The following CDH13 variants were observed in gnomAD, a reference collection of about 807,000 sequenced individuals.
CDH13 encodes cadherin 13.
A neutral mutation model predicts 63.8 loss-of-function variants in CDH13; 24 were observed. That is an observed-to-expected ratio of 0.38 (90% confidence interval 0.27 to 0.53). CDH13 has a LOEUF of 0.53. Ranked by LOEUF, CDH13 falls within the 20% of genes least tolerant of loss-of-function variation. The pLI, the probability that CDH13 is intolerant of heterozygous loss-of-function variation, is 0.85. For missense variants in CDH13, 1,049 were observed against 903.1 expected, an observed-to-expected ratio of 1.16 and a Z score of -2.07; for synonymous variants, 503 against 355.3, an observed-to-expected ratio of 1.42 and a Z score of -4.67.
At position 83,536,064 on chromosome 16, in the gene CDH13, A is replaced by C. The variant is rs556912538; in HGVS notation, c.960+49409A>C. 6.6e-5 allele frequency among the ~76,000 whole-genome samples: 10 copies of C among 152,318 alleles called. No homozygotes were observed. The South Asian group carries it at 1.9e-3, about 28-fold the overall frequency. ...AGTCATTGAAAAATTCACCCAGGAC[A>C]ACATTTGCATGAACACCCAGGAAAT... is the stretch of plus-strand genomic sequence containing the variant. On this transcript the variant is annotated intron_variant, in intron 7 of 13. Coordinates refer to ENST00000567109, the MANE Select transcript of CDH13 (RefSeq NM_001257.5).
chr16:83,015,879 A>C (rs1024122024), intron 2 of CDH13, among the ~76,000 whole-genome samples: 4 of 151,496 alleles, frequency 2.6e-5, no homozygotes, highest in Admixed American at 6.6e-5. Flanking sequence ...GCCACTTGTG[A>C]TGGAAAGCTA....
intron 5 of CDH13, among the ~76,000 whole-genome samples, chr16:83,333,633 C>G (rs2090523979): frequency 6.6e-6 from 1 of 152,130 alleles, no homozygotes; most frequent in South Asian, 2.1e-4. Context: ...TTTCTGTGTA[C>G]ACATGCTCAT....
chr16:82,633,518 A>G (rs1412582252), intron 1 of CDH13, among the ~76,000 whole-genome samples: 26 of 152,166 alleles, frequency 1.7e-4, no homozygotes, highest in Non-Finnish European at 1.5e-5. Flanking sequence ...AGCTGGGATT[A>G]CAGGTGCCCG....
chr16:83,711,619 G>A (rs1908067350), intron 10 of CDH13, among the ~76,000 whole-genome samples: 1 of 152,158 alleles, frequency 6.6e-6, no homozygotes, highest in South Asian at 2.1e-4. Flanking sequence ...AGGCTCAAGC[G>A]ATTCTCGTGC....
intron 3 of CDH13, among the ~76,000 whole-genome samples, chr16:83,078,294 G>A (rs1187842071): frequency 6.6e-6 from 1 of 152,134 alleles, no homozygotes; most frequent in Non-Finnish European, 1.5e-5. Flanking sequence ...CAACCTTTTG[G>A]CACCAGGGAC....
At chr16:83,186,258 C>A (rs989548860) in intron 4 of CDH13, among the ~76,000 whole-genome samples, 2 of 152,082 alleles carry the variant, frequency 1.3e-5, no homozygotes, top group South Asian at 2.1e-4. Context: ...CCCGACTCAG[C>A]CTCCTGAGTA....
intron 1 of CDH13, among the ~76,000 whole-genome samples, chr16:82,820,795 C>A (rs1413522877): frequency 6.6e-6 from 1 of 152,130 alleles, no homozygotes; most frequent in African/African-American, 2.4e-5. Flanking sequence ...TCCTGGATTT[C>A]CTAGATCTGG....
chr16:83,216,411 T>TAC (rs1567513835), intron 4 of CDH13, among the ~76,000 whole-genome samples: 1 of 80,006 alleles, frequency 1.2e-5, no homozygotes, highest in African/African-American at 4.5e-5. Context: ...TATATATATA[T>TAC]ATATATATAT....
At chr16:83,547,375 G>C (rs890642812) in intron 7 of CDH13, among the ~76,000 whole-genome samples, 1 of 152,138 alleles carries the variant, frequency 6.6e-6, no homozygotes, top group East Asian at 1.9e-4. Flanking sequence ...CTCATGCCAT[G>C]GGGGTTTGGT....
At chr16:83,705,880 A>C (rs1464116655) in intron 10 of CDH13, among the ~76,000 whole-genome samples, 1 of 152,244 alleles carries the variant, frequency 6.6e-6, no homozygotes, top group Non-Finnish European at 1.5e-5. Context: ...CTTAAATTTT[A>C]TAAAACAAAG....
chr16:83,565,979 C>A (rs1472684543), intron 7 of CDH13, among the ~76,000 whole-genome samples: 3 of 152,192 alleles, frequency 2.0e-5, no homozygotes, highest in African/African-American at 7.2e-5. Context: ...CGTTTGCACT[C>A]CATTGCATAT....
intron 5 of CDH13, among the ~76,000 whole-genome samples, chr16:83,281,706 C>G (rs1335108015): frequency 1.3e-5 from 2 of 150,568 alleles, no homozygotes; most frequent in South Asian, 2.1e-4. Context: ...GTCAGGAGTT[C>G]GAGACCAGCC....
chr16:83,727,457 T>C (rs7201153), intron 10 of CDH13, among the ~76,000 whole-genome samples: 78,662 of 151,044 alleles, frequency 0.52, 21,236 homozygotes, highest in African/African-American at 0.64. Context: ...ATCACCGAGA[T>C]TCTCCCAGCA....
intron 5 of CDH13, among the ~76,000 whole-genome samples, chr16:83,260,928 C>T (rs771531406): frequency 2.6e-5 from 4 of 151,904 alleles, no homozygotes; most frequent in East Asian, 1.9e-4. Flanking sequence ...TCTTGGGGGG[C>T]GGCCATGTAT....
intron 6 of CDH13, among the ~76,000 whole-genome samples, chr16:83,478,104 G>A (rs569608129): frequency 2.2e-4 from 33 of 150,732 alleles, no homozygotes; most frequent in Non-Finnish European, 4.3e-4. Context: ...AGCTTGCAGT[G>A]AGCCGAGATC....
At chr16:83,447,151 A>T in intron 6 of CDH13, among the ~76,000 whole-genome samples, 1 of 102,928 alleles carries the variant, frequency 9.7e-6, no homozygotes, top group Non-Finnish European at 1.8e-5. Flanking sequence ...GCGGTGGCTC[A>T]CGCCTGTAAT....
At chr16:83,275,341 C>T (rs1352678893) in intron 5 of CDH13, among the ~76,000 whole-genome samples, 1 of 152,206 alleles carries the variant, frequency 6.6e-6, no homozygotes, top group Non-Finnish European at 1.5e-5. Flanking sequence ...GTCCAAATGG[C>T]TGTTGGGTCA....
At chr16:82,845,264 C>T (rs2039209325) in intron 1 of CDH13, among the ~76,000 whole-genome samples, 1 of 152,212 alleles carries the variant, frequency 6.6e-6, no homozygotes, top group African/African-American at 2.4e-5. Flanking sequence ...CAGGTGGGAG[C>T]ATTCAGCCAG....
intron 2 of CDH13, among the ~76,000 whole-genome samples, chr16:82,874,165 A>T (rs905429836): frequency 6.6e-6 from 1 of 152,172 alleles, no homozygotes; most frequent in African/African-American, 2.4e-5. Flanking sequence ...CAGTAGGATA[A>T]ATAAGGACCA....
Sources: gnomAD v4.1 joint callset for allele counts (sites outside exome capture counted in the v4.1 genomes callset) on GRCh38, gnomAD v4.1.1 for gene constraint, MANE v1.5 for transcripts, NCBI Gene and HGNC (gene_info 2026-07-23, HGNC 2026-07-21) for gene names.